The following FARS2 variants were observed in gnomAD, a reference collection of about 807,000 sequenced individuals.
FARS2 encodes phenylalanine--tRNA ligase, mitochondrial.
FARS2 carries 40 observed loss-of-function variants against 46.4 expected under a neutral mutation model. The observed-to-expected ratio is 0.86, with a 90% CI of 0.67 to 1.12. The LOEUF (loss-of-function observed/expected upper bound fraction) is 1.12, where lower values mean the gene tolerates loss of function less well. Among genes scored for constraint, FARS2 ranks in the 50% most tolerant of loss-of-function variants. The pLI is 0.00. For missense variants in FARS2, 513 were observed against 567.9 expected, an observed-to-expected ratio of 0.90 and a Z score of 0.98; for synonymous variants, 234 against 214.9, an observed-to-expected ratio of 1.09 and a Z score of -0.78.
intron 5 of FARS2, among the ~76,000 whole-genome samples, chr6:5,576,830 T>C (rs1773014151): frequency 6.6e-6 from 1 of 151,858 alleles, no homozygotes; most frequent in South Asian, 2.1e-4. Context: ...AATTCCTTAC[T>C]ATCATTTTTT....
intron 4 of FARS2, among the ~76,000 whole-genome samples, chr6:5,493,518 C>CA (rs536485680): frequency 6.6e-6 from 1 of 152,142 alleles, no homozygotes; most frequent in Non-Finnish European, 1.5e-5. Context: ...AATGGAAAGT[C>CA]AAAGTCGCAG....
chr6:5,755,774 G>T (rs1221653776), intron 6 of FARS2, among the ~76,000 whole-genome samples: 1 of 152,112 alleles, frequency 6.6e-6, no homozygotes. Flanking sequence ...TTTCCTCAGT[G>T]CTGTTTCTGC....
chr6:5,607,818 T>C (rs1774928598), intron 5 of FARS2, among the ~76,000 whole-genome samples: 1 of 152,152 alleles, frequency 6.6e-6, no homozygotes, highest in South Asian at 2.1e-4. Context: ...TTTATTATCT[T>C]TTTATTAGAA....
chr6:5,266,255 C>T (rs989007233), intron 1 of FARS2, among the ~76,000 whole-genome samples: 2 of 152,114 alleles, frequency 1.3e-5, no homozygotes, highest in African/African-American at 2.4e-5. Context: ...GGGGAGATCC[C>T]GTGAAAAGGT....
intron 4 of FARS2, chr6:5,467,190 T>A (rs1444789290): frequency 3.6e-6 from 2 of 556,368 alleles, no homozygotes; most frequent in African/African-American, 4.1e-5. Context: ...CTGTATGAAT[T>A]TAATAATTTA....
At chr6:5,736,362 G>A (rs778230766) in intron 6 of FARS2, among the ~76,000 whole-genome samples, 18 of 152,160 alleles carry the variant, frequency 1.2e-4, no homozygotes. Flanking sequence ...ATTGTGGGAG[G>A]GGCCACACAA....
intron 1 of FARS2, among the ~76,000 whole-genome samples, chr6:5,269,347 G>C (rs549570876): frequency 1.3e-5 from 2 of 151,692 alleles, no homozygotes; most frequent in South Asian, 4.2e-4. Context: ...GTGGGGTTGG[G>C]GGAGGGGGGA....
At chr6:5,300,080 A>AT (rs781069189) in intron 1 of FARS2, among the ~76,000 whole-genome samples, 2 of 152,146 alleles carry the variant, frequency 1.3e-5, no homozygotes, top group Non-Finnish European at 2.9e-5. Flanking sequence ...TTTACCTATG[A>AT]TTTTATTTAT....
chr6:5,743,933 G>A (rs1352908122), intron 6 of FARS2, among the ~76,000 whole-genome samples: 4 of 152,212 alleles, frequency 2.6e-5, no homozygotes, highest in Admixed American at 6.5e-5. Flanking sequence ...CTCACCGTGC[G>A]TTTCTCCTCA....
At chr6:5,288,897 A>T (rs1379930252) in intron 1 of FARS2, among the ~76,000 whole-genome samples, 1 of 152,202 alleles carries the variant, frequency 6.6e-6, no homozygotes, top group Non-Finnish European at 1.5e-5. Flanking sequence ...AAAATGTTGC[A>T]AATTTTAGGG....
intron 1 of FARS2, among the ~76,000 whole-genome samples, chr6:5,295,978 AGGGCTTACT>A (rs1237371382): frequency 3.9e-5 from 6 of 152,060 alleles, no homozygotes; most frequent in Non-Finnish European, 8.8e-5. Flanking sequence ...GATACCATGG[AGGGCTTACT>A]GTGTGCCAGG....
chr6:5,341,176 T>G (rs1771532756), intron 1 of FARS2, among the ~76,000 whole-genome samples: 1 of 121,188 alleles, frequency 8.3e-6, no homozygotes, highest in Non-Finnish European at 1.7e-5. Flanking sequence ...GCCTGCTCTG[T>G]GGCCATGGGG....
intron 1 of FARS2, among the ~76,000 whole-genome samples, chr6:5,266,908 ATG>A (rs1447848234): frequency 1.3e-5 from 2 of 152,170 alleles, no homozygotes; most frequent in Non-Finnish European, 2.9e-5. Flanking sequence ...TTATGTGTGT[ATG>A]TGAGACATTT....
chr6:5,631,526 A>AT lies in FARS2; in HGVS notation c.1217+18207dup, dbSNP rs145385390. Among the ~76,000 whole-genome samples the AT allele has an allele frequency of 9.3e-3, 1,415 of 152,332 alleles. 32 individuals carry two copies. Among genetic ancestry groups the AT allele is most frequent in the African/African-American group, 0.032 (1,310 of 41,568 alleles). ...GTTTCAAGTGCTTCTCAAGAAACAAATGTCTCTTAGAGAATGTAGCCAGGG... is the reference window on the plus strand; with the variant it reads ...GTTTCAAGTGCTTCTCAAGAAACAAATTGTCTCTTAGAGAATGTAGCCAGGG... On this transcript the variant is annotated intron_variant, in intron 6 of 6. Coordinates refer to ENST00000274680, the MANE Select transcript of FARS2 (RefSeq NM_006567.5).
chr6:5,506,201 A>G (rs1768088470), intron 4 of FARS2, among the ~76,000 whole-genome samples: 1 of 152,144 alleles, frequency 6.6e-6, no homozygotes, highest in Non-Finnish European at 1.5e-5. Flanking sequence ...CTTTTAGTAG[A>G]TCAGCTCCGC....
intron 3 of FARS2, among the ~76,000 whole-genome samples, chr6:5,430,101 G>T (rs144790861): frequency 7.1e-4 from 108 of 152,214 alleles, no homozygotes; most frequent in African/African-American, 2.5e-3. Flanking sequence ...AAATTCACAA[G>T]AGGGCATGTT....
intron 2 of FARS2, among the ~76,000 whole-genome samples, chr6:5,383,593 C>T (rs537340664): frequency 1.3e-4 from 20 of 152,178 alleles, no homozygotes; most frequent in Non-Finnish European, 2.2e-4. Context: ...GAGCCTGCCA[C>T]GCTCCTGACA....
chr6:5,295,721 A>G (rs765207685), intron 1 of FARS2, among the ~76,000 whole-genome samples: 7 of 152,240 alleles, frequency 4.6e-5, no homozygotes, highest in Non-Finnish European at 1.0e-4. Flanking sequence ...TTAGCTTTAT[A>G]TAAGGTGAAG....
At chr6:5,324,316 C>T (rs978363702) in intron 1 of FARS2, among the ~76,000 whole-genome samples, 14 of 151,872 alleles carry the variant, frequency 9.2e-5, no homozygotes, top group African/African-American at 3.1e-4. Context: ...GAATTTACTT[C>T]TGGGATTTTT....
Sources: gnomAD v4.1 joint callset for allele counts (sites outside exome capture counted in the v4.1 genomes callset) on GRCh38, gnomAD v4.1.1 for gene constraint, MANE v1.5 for transcripts, NCBI Gene and HGNC (gene_info 2026-07-23, HGNC 2026-07-21) for gene names.